Variants in LAMC2 observed in about 807,000 individuals in gnomAD.
The protein encoded by LAMC2 is laminin subunit gamma 2, also known as laminin subunit gamma-2.
In LAMC2, 97 loss-of-function variants were observed where a neutral mutation model predicts 140.2. The observed-to-expected ratio is 0.69, with a 90% CI of 0.59 to 0.82. The LOEUF (loss-of-function observed/expected upper bound fraction) is 0.82. LAMC2 is among the 40% of genes least tolerant of loss of function. The pLI, the probability that LAMC2 is intolerant of heterozygous loss-of-function variation, is 0.00. For synonymous variants in LAMC2, 513 were observed against 540.2 expected, an observed-to-expected ratio of 0.95 and a Z score of 0.70; for missense variants, 1,402 against 1,476.1, an observed-to-expected ratio of 0.95 and a Z score of 0.82.
chr1:183,191,613 T>C (rs1013338189), intron 1 of LAMC2, among the ~76,000 whole-genome samples: 1 of 151,960 alleles, frequency 6.6e-6, no homozygotes, highest in African/African-American at 2.4e-5. Flanking sequence ...ATCCCAGCAC[T>C]TTGGGAGGCC....
At chr1:183,216,775 A>G (rs1659274725) in intron 3 of LAMC2, among the ~76,000 whole-genome samples, 1 of 151,498 alleles carries the variant, frequency 6.6e-6, no homozygotes, top group African/African-American at 2.4e-5. Flanking sequence ...GCCCCCTGTG[A>G]CTCTGTCTTG....
chr1:183,253,904 CGTGTGTGT>C, the LAMC2 span, among the ~76,000 whole-genome samples: 21,473 of 144,266 alleles, frequency 0.15, 1,526 homozygotes, highest in East Asian at 0.24. Flanking sequence ...GTTCCACTTC[CGTGTGTGT>C]GTGTGTGTGT....
intron 13 of LAMC2, 115 bp downstream of exon 13, chr1:183,232,458 G>A: frequency 1.5e-6 from 2 of 1,291,728 alleles, no homozygotes; most frequent in South Asian, 1.3e-5. Flanking sequence ...TCTCCAGCCA[G>A]CCCTTGCAGA....
chr1:183,242,402 ATG>A (rs1660154966), intron 22 of LAMC2, among the ~76,000 whole-genome samples: 1 of 152,222 alleles, frequency 6.6e-6, no homozygotes, highest in Non-Finnish European at 1.5e-5. Context: ...CAGCTCACAT[ATG>A]TGAGGCAACT....
rs748731218 is a variant in LAMC2, at chr1:183,227,592, G to T, written c.1363G>T (p.Asp455Tyr). ...CPIGFYNDPH[D>Y]PRSCKPCPCH... ...AATTGGTTTCTACAACGATCCGCACGACCCCCGCAGCTGCAAGCCATGTCC... is the reference window on the plus strand; with the variant it reads ...AATTGGTTTCTACAACGATCCGCACTACCCCCGCAGCTGCAAGCCATGTCC... The change falls in exon 10 of 23, where the codon GAC becomes TAC. Residue 455 changes from aspartate (D) to tyrosine (Y), a missense_variant. Physicochemically the swap from Asp to Tyr is radical, Grantham distance 160. Coordinates refer to ENST00000264144, the MANE Select transcript of LAMC2 (RefSeq NM_005562.3). 2 of 1,613,998 alleles carry T rather than the reference G, an allele frequency of 1.2e-6. No individual in the cohort carries two copies. The highest frequency in any genetic ancestry group is 1.7e-6 in the Non-Finnish European group (2 of 1,180,036).
intron 1 of LAMC2, among the ~76,000 whole-genome samples, chr1:183,198,651 C>G (rs970039741): frequency 5.9e-5 from 9 of 152,188 alleles, no homozygotes; most frequent in African/African-American, 2.2e-4. Flanking sequence ...CTGACACCGT[C>G]CCACACAGCC....
At chr1:183,249,755 A>G (rs2102266105), downstream of LAMC2, 1 of 146,956 alleles carries the variant, frequency 6.8e-6, no homozygotes, top group East Asian at 2.0e-4. Flanking sequence ...GGGTGCGGCG[A>G]TGGGAATGGA....
At position 183,186,367 on chromosome 1, in the gene LAMC2, G is replaced by A. The variant is rs1426564374; in HGVS notation, c.15G>A (p.Trp5Ter). 3 of 1,602,920 alleles carry A rather than the reference G, an allele frequency of 1.9e-6. No individual in the cohort carries two copies. Among genetic ancestry groups the A allele is most frequent in the Non-Finnish European group, 1.7e-6 (2 of 1,179,022 alleles). The change falls in exon 1 of 23, where the codon TGG (tryptophan) becomes TGA (stop). Residue 5 changes from tryptophan to a stop codon, truncating the protein, a stop_gained. Coordinates refer to ENST00000264144, the MANE Select transcript of LAMC2 (RefSeq NM_005562.3). LOFTEE classifies it high-confidence loss of function. ...CCGGCCCCGCCATGCCTGCGCTCTG[G>A]CTGGGCTGCTGCCTCTGCTTCTCGC... is the stretch of plus-strand genomic sequence containing the variant. MPAL[W>*]LGCCLCFSLL...
At chr1:183,250,526 G>T in the LAMC2 span, 1 of 152,666 alleles carries the variant, frequency 6.6e-6, no homozygotes, top group East Asian at 1.9e-4. Flanking sequence ...GGAAATGGAG[G>T]GTGTGGTGTG....
At chr1:183,245,174 T>C (rs2102260491), downstream of LAMC2, among the ~76,000 whole-genome samples, 1 of 152,330 alleles carries the variant, frequency 6.6e-6, no homozygotes, top group Non-Finnish European at 1.5e-5. Flanking sequence ...AATATTCTTA[T>C]CTTTTTCATC....
chr1:183,218,002 G>C (rs1158324015), intron 3 of LAMC2, among the ~76,000 whole-genome samples: 1 of 152,192 alleles, frequency 6.6e-6, no homozygotes, highest in Non-Finnish European at 1.5e-5. Context: ...ATGATAAAAA[G>C]CAGACATCAT....
the LAMC2 span, among the ~76,000 whole-genome samples, chr1:183,258,163 G>C: frequency 3.9e-5 from 6 of 152,100 alleles, no homozygotes; most frequent in African/African-American, 1.2e-4. Context: ...GACACATTTT[G>C]GCTTCTGCAC....
intron 2 of LAMC2, among the ~76,000 whole-genome samples, chr1:183,213,199 C>CT (rs1464508198): frequency 6.6e-6 from 1 of 152,202 alleles, no homozygotes; most frequent in Non-Finnish European, 1.5e-5. Flanking sequence ...ATATAAAGTG[C>CT]CTAACTCAAC....
chr1:183,253,606 C>T, the LAMC2 span, among the ~76,000 whole-genome samples: 1 of 152,064 alleles, frequency 6.6e-6, no homozygotes, highest in South Asian at 2.1e-4. Context: ...CACACTTGAC[C>T]CTGGTAATCA....
At chr1:183,234,239 G>T in intron 14 of LAMC2, 128 bp from the exon 15 acceptor site, 1 of 731,932 alleles carries the variant, frequency 1.4e-6, no homozygotes. Context: ...TGGTGTAAGT[G>T]TCAGGGTGTG....
At chr1:183,193,847 C>A (rs1658424958) in intron 1 of LAMC2, among the ~76,000 whole-genome samples, 2 of 55,272 alleles carry the variant, frequency 3.6e-5, no homozygotes, top group African/African-American at 9.1e-5. Context: ...CCAGTCTCTT[C>A]TCAAAATGTT....
intron 1 of LAMC2, among the ~76,000 whole-genome samples, chr1:183,194,520 T>C (rs1323456032): frequency 6.6e-6 from 1 of 152,206 alleles, no homozygotes; most frequent in East Asian, 1.9e-4. Flanking sequence ...TATTGTTTTT[T>C]TTTAAGGAAT....
Position 183,243,729 on chromosome 1 carries a change from T to G in LAMC2, c.*329T>G. On this transcript the variant is annotated 3_prime_UTR_variant, in exon 23 of 23. Transcript: ENST00000264144. ...ATAGTCGTAAGTGGAGTCCTGGAAT[T>G]TGGACAAGTGCTGTTGGGATATAGT... is the stretch of plus-strand genomic sequence containing the variant. 2.6e-6 allele frequency: 1 copy of G among 390,120 alleles called. No homozygotes were observed. Among genetic ancestry groups the G allele is most frequent in the South Asian group, 2.6e-5 (1 of 38,888 alleles). 24.2% of individuals were successfully genotyped at this position (390,120 alleles called of 1,614,324 possible).
At position 183,220,830 on chromosome 1, in the gene LAMC2, G is replaced by A. The variant is rs141806165; in HGVS notation, c.509G>A (p.Arg170Gln). 43 of 1,613,836 alleles carry A rather than the reference G, an allele frequency of 2.7e-5. No homozygotes were observed. Among genetic ancestry groups the A allele is most frequent in the Middle Eastern group, 1.7e-4 (1 of 6,060 alleles). Residue 170 changes from arginine to glutamine, a missense_variant, in exon 5 of 23, where the codon CGA becomes CAA. Around this residue, in one of 3 missense-constraint regions of LAMC2, gnomAD observed 723 missense variants for 783.3 expected, o/e 0.92. Coordinates refer to ENST00000264144, the MANE Select transcript of LAMC2 (RefSeq NM_005562.3). ...AVTGERCDRCRSGYYNLDGGN... is the reference protein window; with the variant it reads ...AVTGERCDRCQSGYYNLDGGN... ...TTTCTACAATGCCACTGCAGGTGTC[G>A]ATCAGGTTACTATAATCTGGATGGG...
Sources: allele counts gnomAD v4.1 joint callset (sites outside exome capture counted in the v4.1 genomes callset), GRCh38; gene constraint gnomAD v4.1.1; regional missense constraint gnomAD v4.1.1; transcripts MANE v1.5; gene names NCBI Gene and HGNC (gene_info 2026-07-23, HGNC 2026-07-21).